PXDNL: variants seen among roughly 807,000 people sequenced by gnomAD.
PXDNL encodes the protein probable oxidoreductase PXDNL.
PXDNL carries 145 observed loss-of-function variants against 150.8 expected under a neutral mutation model. The ratio of observed to expected loss-of-function variants is 0.96; its 90% CI spans 0.84 to 1.10. The LOEUF is 1.10. Ranked by LOEUF, PXDNL falls within the 50% of genes least tolerant of loss-of-function variation. The pLI is 0.00. For synonymous variants in PXDNL, 757 were observed against 725.7 expected, an observed-to-expected ratio of 1.04 and a Z score of -0.69; for missense variants, 2,087 against 1,873.9, an observed-to-expected ratio of 1.11 and a Z score of -2.10.
chr8:51,405,292 G>A (rs866411588), intron 17 of PXDNL, among the ~76,000 whole-genome samples: 1 of 152,212 alleles, frequency 6.6e-6, no homozygotes, highest in Non-Finnish European at 1.5e-5. Context: ...CCGAGGAGGT[G>A]CCCAGAGCGA....
chr8:51,455,313 TA>T (rs1413431252), intron 9 of PXDNL, among the ~76,000 whole-genome samples: 2 of 151,404 alleles, frequency 1.3e-5, no homozygotes, highest in Non-Finnish European at 2.9e-5. Flanking sequence ...TGGAGGAGAG[TA>T]ATGATACCAA....
intron 3 of PXDNL, among the ~76,000 whole-genome samples, chr8:51,563,898 T>C (rs1812763083): frequency 6.6e-6 from 1 of 151,960 alleles, no homozygotes; most frequent in Non-Finnish European, 1.5e-5. Flanking sequence ...CATGCAGATT[T>C]TCAAGTAATA....
chr8:51,611,278 A>G (rs1386847295), intron 2 of PXDNL, among the ~76,000 whole-genome samples: 1 of 152,002 alleles, frequency 6.6e-6, no homozygotes, highest in African/African-American at 2.4e-5. Context: ...AGAAACAGAA[A>G]TAAGTATTTA....
intron 5 of PXDNL, among the ~76,000 whole-genome samples, chr8:51,496,514 T>G (rs1811055461): frequency 6.6e-6 from 1 of 152,200 alleles, no homozygotes; most frequent in African/African-American, 2.4e-5. Context: ...ATGACATGAT[T>G]GTATATTTAG....
At chr8:51,592,769 C>A in intron 2 of PXDNL, 71 bp from the exon 3 acceptor site, 1 of 1,151,722 alleles carries the variant, frequency 8.7e-7, no homozygotes, top group East Asian at 2.6e-5. Flanking sequence ...AATAGTTCTG[C>A]TAAGTATAGT....
rs574773085 is a variant in PXDNL at position 51,332,795 on chromosome 8, A to G, written c.4146+6829T>C. Among the ~76,000 whole-genome samples, 18 of 152,330 alleles carry G rather than the reference A, an allele frequency of 1.2e-4. No homozygotes were observed. In the South Asian group the frequency reaches 3.3e-3, roughly 28 times the overall value. ...CCAATCCAACAAAGACAAAGAAAAAAGAATAAGAAAATATGAACAAAGCCT... is the reference window on the plus strand; with the variant it reads ...CCAATCCAACAAAGACAAAGAAAAAGGAATAAGAAAATATGAACAAAGCCT... On this transcript the variant is annotated intron_variant, in intron 21 of 22. Transcript: ENST00000356297.
At chr8:51,593,213 G>A (rs1050802088) in intron 2 of PXDNL, among the ~76,000 whole-genome samples, 1 of 152,042 alleles carries the variant, frequency 6.6e-6, no homozygotes, top group Non-Finnish European at 1.5e-5. Context: ...GTCCAAAAAC[G>A]ATTTCTAAAA....
intron 5 of PXDNL, among the ~76,000 whole-genome samples, chr8:51,499,198 C>T (rs978999309): frequency 3.2e-4 from 48 of 152,276 alleles, no homozygotes; most frequent in Admixed American, 2.0e-4. Context: ...GGCACGATCT[C>T]GGCTCACTGC....
chr8:51,789,013 C>T (rs1241733442), intron 1 of PXDNL, among the ~76,000 whole-genome samples: 1 of 151,962 alleles, frequency 6.6e-6, no homozygotes, highest in Non-Finnish European at 1.5e-5. Context: ...AGTGCCTTTC[C>T]TTTTTCTTTT....
At chr8:51,356,294 G>A (rs896889469) in intron 19 of PXDNL, among the ~76,000 whole-genome samples, 3 of 152,250 alleles carry the variant, frequency 2.0e-5, no homozygotes, top group Non-Finnish European at 4.4e-5. Context: ...TTTGAGACCA[G>A]CCTGGCCAAC....
rs569640573 is a variant in PXDNL at position 51,661,036 on chromosome 8, A to C, written c.165-6276T>G. Among the ~76,000 whole-genome samples the C allele has an allele frequency of 1.2e-4, 19 of 152,286 alleles. No homozygotes were observed. The East Asian group carries it at 3.7e-3, about 29-fold the overall frequency. On this transcript the variant is annotated intron_variant, in intron 1 of 22. Transcript: ENST00000356297. ...CGGCCTTGGAGTCAGGGGAAGAATC[A>C]AGGAGATTTTTCCACACCTCTCCCT...
At chr8:51,483,239 G>A (rs911359898) in intron 6 of PXDNL, among the ~76,000 whole-genome samples, 4 of 152,186 alleles carry the variant, frequency 2.6e-5, no homozygotes, top group Non-Finnish European at 5.9e-5. Context: ...AGGAGGAAAT[G>A]AGTAGGAAGA....
chr8:51,590,220 A>G (rs1215708720), intron 3 of PXDNL, among the ~76,000 whole-genome samples: 2 of 152,070 alleles, frequency 1.3e-5, no homozygotes, highest in Non-Finnish European at 2.9e-5. Flanking sequence ...GGCTCACAGA[A>G]TACAAGAGCT....
chr8:51,455,723 A>C (rs1184169811), intron 9 of PXDNL, among the ~76,000 whole-genome samples: 1 of 152,112 alleles, frequency 6.6e-6, no homozygotes, highest in East Asian at 1.9e-4. Context: ...GAAGGGAAGG[A>C]GGCTTTGGAA....
intron 19 of PXDNL, among the ~76,000 whole-genome samples, chr8:51,358,898 G>T (rs2976995): frequency 6.6e-6 from 1 of 152,144 alleles, no homozygotes; most frequent in African/African-American, 2.4e-5. Flanking sequence ...GGGGAACCAC[G>T]CCCAGCCCTG....
At chr8:51,534,355 G>T (rs1321611503) in intron 4 of PXDNL, among the ~76,000 whole-genome samples, 5 of 146,714 alleles carry the variant, frequency 3.4e-5, no homozygotes, top group African/African-American at 1.0e-4. Flanking sequence ...AGGGAGGTGG[G>T]GGGGGGTCAG....
At chr8:51,346,846 G>A (rs1806177612) in intron 19 of PXDNL, among the ~76,000 whole-genome samples, 1 of 152,156 alleles carries the variant, frequency 6.6e-6, no homozygotes, top group South Asian at 2.1e-4. Context: ...ATGGCCTACA[G>A]AACTGTGAGC....
At chr8:51,650,476 G>A (rs1815011082) in intron 2 of PXDNL, among the ~76,000 whole-genome samples, 1 of 152,128 alleles carries the variant, frequency 6.6e-6, no homozygotes, top group Admixed American at 6.5e-5. Context: ...AGGATAATGA[G>A]GAAGAGAAAT....
chr8:51,727,440 A>T (rs989154609), intron 1 of PXDNL, among the ~76,000 whole-genome samples: 1 of 152,218 alleles, frequency 6.6e-6, no homozygotes, highest in African/African-American at 2.4e-5. Flanking sequence ...CTATAAAAAC[A>T]TTTCTCTTCA....
Sources: gnomAD v4.1 joint callset for allele counts (sites outside exome capture counted in the v4.1 genomes callset) on GRCh38, gnomAD v4.1.1 for gene constraint, MANE v1.5 for transcripts, NCBI Gene and HGNC (gene_info 2026-07-23, HGNC 2026-07-21) for gene names.